Variants in SZT2 observed in about 807,000 individuals in gnomAD.
SZT2 encodes KICSTOR complex protein SZT2.
SZT2 carries 216 observed loss-of-function variants against 404.2 expected under a neutral mutation model. The ratio of observed to expected loss-of-function variants is 0.53; its 90% CI spans 0.48 to 0.60. The LOEUF is 0.60. SZT2 is among the 20% of genes least tolerant of loss of function. SZT2 has a pLI of 0.00. For missense variants in SZT2, 3,857 were observed against 4,459.2 expected, an observed-to-expected ratio of 0.86 and a Z score of 3.85; for synonymous variants, 1,693 against 1,749.9, an observed-to-expected ratio of 0.97 and a Z score of 0.81.
At position 43,451,754 on chromosome 1, in the gene SZT2, G is replaced by A. The variant is rs1327414636; in HGVS notation, c.*1274G>A. The A allele has an allele frequency of 2.5e-6, 4 of 1,613,518 alleles. No individual in the cohort carries two copies. Among genetic ancestry groups the A allele is most frequent in the Non-Finnish European group, 3.4e-6 (4 of 1,179,612 alleles). On this transcript the variant is annotated 3_prime_UTR_variant, in exon 72 of 72. Coordinates refer to ENST00000634258, the MANE Select transcript of SZT2 (RefSeq NM_001365999.1). ...GATACTACATTCCGAGACCCCGCAG[G>A]CCCCGCCCTCCTTCCGATCTGCGAA...
intron 1 of SZT2, among the ~76,000 whole-genome samples, chr1:43,390,890 T>C (rs1023285777): frequency 1.7e-4 from 26 of 152,242 alleles, no homozygotes; most frequent in African/African-American, 5.8e-4. Flanking sequence ...ATAGTATTCA[T>C]TACTGCATAC....
Position 43,431,763 on chromosome 1 carries a change from G to A in SZT2, c.5136G>A (p.Gly1712=). ...EDEMVGALRR[G]GIPQSPALHR... ...AGATGGTGGGGGCACTCCGAAGAGG[G>A]GGCATCCCACAGAGTCCTGCCCTGC... The change falls in exon 36 of 72, where the codon GGG becomes GGA. Residue 1712 remains glycine, a synonymous_variant. Coordinates refer to ENST00000634258, the MANE Select transcript of SZT2 (RefSeq NM_001365999.1). 2 of 1,614,200 alleles carry A rather than the reference G, an allele frequency of 1.2e-6. No homozygotes were observed. The highest frequency in any genetic ancestry group is 4.5e-5 in the East Asian group (2 of 44,878).
At position 43,428,253 on chromosome 1, in the gene SZT2, C is replaced by T; in HGVS notation, c.3933C>T (p.Ser1311=). ...CACTTCCATCAGGGCTATTCCGCAG[C>T]TTGCAGCAAGCACAGAGTGTGACCT... The part of the protein sequence containing the change: ...QRCYVRGLFR[S]LQQAQSVTSQ... Residue 1311 remains serine, a synonymous_variant, in exon 28 of 72, where the codon AGC becomes AGT. Coordinates refer to ENST00000634258, the MANE Select transcript of SZT2 (RefSeq NM_001365999.1). 1 of 1,614,226 alleles carries T rather than the reference C, an allele frequency of 6.2e-7. No homozygotes were observed.
intron 1 of SZT2, among the ~76,000 whole-genome samples, chr1:43,390,937 A>C (rs1019442112): frequency 1.3e-5 from 2 of 152,242 alleles, no homozygotes; most frequent in Non-Finnish European, 2.9e-5. Flanking sequence ...GCTCTTTACC[A>C]ATATCAGTTA....
chr1:43,403,135 G>A, intron 1 of SZT2, 42 bp from the exon 2 acceptor site: 2 of 1,606,858 alleles, frequency 1.2e-6, no homozygotes, highest in Non-Finnish European at 1.7e-6. Context: ...CAGGTACTCG[G>A]TGCCATTTTT....
Position 43,438,994 on chromosome 1 carries a change from G to A in SZT2, c.6693G>A (p.Arg2231=), listed in dbSNP as rs1409781454. 5 of 1,614,016 alleles carry A rather than the reference G, an allele frequency of 3.1e-6. No individual in the cohort carries two copies. Among genetic ancestry groups the A allele is most frequent in the Non-Finnish European group, 4.2e-6 (5 of 1,180,034 alleles). ...VLHLALPTSC[R]PWLPALAWYL... ...ATCTGGCCCTACCCACCTCCTGCAG[G>A]CCCTGGCTTCCAGCCCTGGCATGGT... Residue 2231 remains arginine, a synonymous_variant, in exon 48 of 72, where the codon AGG becomes AGA. Coordinates refer to ENST00000634258, the MANE Select transcript of SZT2 (RefSeq NM_001365999.1).
At position 43,442,402 on chromosome 1, in the gene SZT2, G is replaced by C; in HGVS notation, c.7974+34G>C. 1 of 1,612,658 alleles carries C rather than the reference G, an allele frequency of 6.2e-7. No individual in the cohort carries two copies. Among genetic ancestry groups the C allele is most frequent in the Non-Finnish European group, 8.5e-7 (1 of 1,179,174 alleles). On this transcript the variant is annotated intron_variant, in intron 57 of 71. Transcript: ENST00000634258. This position sits in a 1 kb window ranked among gnomAD's most constrained non-coding sequence, Gnocchi z 4.5. Reference sequence around the variant, plus strand: ...GGGGCCAGGGACTGGGTGGGAAGAGGGGTTCCGTGATCTCACTGACCCTGA... The same window carrying C: ...GGGGCCAGGGACTGGGTGGGAAGAGCGGTTCCGTGATCTCACTGACCCTGA...
rs139147641 is a variant in SZT2 at position 43,403,286 on chromosome 1, C to T, written c.137C>T (p.Thr46Ile). The T allele has an allele frequency of 7.5e-5, 121 of 1,613,620 alleles. No homozygotes were observed. The East Asian group carries it at 2.6e-3, about 35-fold the overall frequency. The change falls in exon 2 of 72, where the codon ACA becomes ATA. Residue 46 changes from threonine (T) to isoleucine (I), a missense_variant. This residue lies in a region of SZT2 where 536 missense variants were observed against 637.4 expected (regional missense o/e 0.84). Coordinates refer to ENST00000634258, the MANE Select transcript of SZT2 (RefSeq NM_001365999.1). The stretch of plus-strand genomic sequence containing the variant: ...CATCTGCACCAAACTGTGCAGGCCA[C>T]ACCCCAGGAGATGCTGGTGAGGCTT... ...LSHLHQTVQA[T>I]PQEMLLQSEQ... is the part of the protein sequence containing the mutation.
intron 4 of SZT2, among the ~76,000 whole-genome samples, chr1:43,408,197 C>G (rs1650568079): frequency 6.6e-6 from 1 of 152,058 alleles, no homozygotes; most frequent in Admixed American, 6.6e-5. Context: ...TCCCTCACCT[C>G]CATCTCTTTA....
rs755182360 is a variant in SZT2, at chr1:43,419,877, C to T, written c.1023C>T (p.Tyr341=). The T allele has an allele frequency of 4.4e-6, 7 of 1,598,436 alleles. No homozygotes were observed. The highest frequency in any genetic ancestry group is 3.3e-5 in the South Asian group (3 of 91,084). ...CAGGCAACCTGGGTCTGACTGTCTA[C>T]CACCGGGCATTTCTCCTCTATTCCT... is the stretch of plus-strand genomic sequence containing the variant. The part of the protein sequence containing the change: ...PEPGNLGLTV[Y]HRAFLLYSFL... The change falls in exon 8 of 72, where the codon TAC becomes TAT. Residue 341 remains tyrosine (Y), a synonymous_variant. Coordinates refer to ENST00000634258, the MANE Select transcript of SZT2 (RefSeq NM_001365999.1).
rs201073849 is a variant in SZT2, at chr1:43,428,133, C to T, written c.3919+15C>T. On this transcript the variant is annotated intron_variant, in intron 27 of 71. Transcript: ENST00000634258. Reference sequence around the variant, plus strand: ...CTATGTCCGTGGTGAGCAGGAGGGCCGTGGGAGGGAGGAGTGGGGCCCTGC... The same window carrying T: ...CTATGTCCGTGGTGAGCAGGAGGGCTGTGGGAGGGAGGAGTGGGGCCCTGC... The T allele has an allele frequency of 2.5e-5, 40 of 1,612,450 alleles. No homozygotes were observed. In the East Asian group the frequency reaches 5.8e-4, roughly 23 times the overall value.
In SZT2 at chr1:43,403,212, A is replaced by G; in HGVS notation, c.63A>G (p.Lys21=). 6.2e-7 allele frequency: 1 copy of G among 1,614,198 alleles called. No individual in the cohort carries two copies. Among genetic ancestry groups the G allele is most frequent in the Non-Finnish European group, 8.5e-7 (1 of 1,180,036 alleles). ...CTGGGCAGGTGTTCCTGTTAATGAA[A>G]AAGGATTATCGAATCTCCCGAAATG... The part of the protein sequence containing the change: ...EEAGQVFLLM[K]KDYRISRNVR... The change falls in exon 2 of 72, where the codon AAA becomes AAG. Residue 21 remains lysine, a synonymous_variant. Transcript: ENST00000634258.
Position 43,420,689 on chromosome 1 carries a change from T to C in SZT2, c.1262-60T>C. On this transcript the variant is annotated intron_variant, in intron 9 of 71. Coordinates refer to ENST00000634258, the MANE Select transcript of SZT2 (RefSeq NM_001365999.1). This position sits in a 1 kb window ranked among gnomAD's most constrained non-coding sequence, Gnocchi z 5.1. ...GGTAGGTGGGGGTTTCAGATAGAAC[T>C]CGATCCCAGGCCTAGAGTCCTATGC... is the stretch of plus-strand genomic sequence containing the variant. 1 of 1,512,864 alleles carries C rather than the reference T, an allele frequency of 6.6e-7. No homozygotes were observed. Among genetic ancestry groups the C allele is most frequent in the Non-Finnish European group, 9.0e-7 (1 of 1,110,708 alleles). 93.7% of individuals were successfully genotyped at this position (1,512,864 alleles called of 1,614,324 possible). A position where few individuals can be genotyped will look rare whatever the true frequency, so the allele number is the denominator to read the frequency against.
At position 43,446,880 on chromosome 1, in the gene SZT2, C is replaced by T. The variant is rs1275030307; in HGVS notation, c.9073-75C>T. 58 of 1,468,904 alleles carry T rather than the reference C, an allele frequency of 3.9e-5. 1 individual carries two copies. In the Middle Eastern group the frequency reaches 5.9e-4, roughly 15 times the overall value. The allele number at this position is 1,468,904 out of a possible 1,614,324, so 91.0% of individuals were successfully genotyped here. A position where few individuals can be genotyped will look rare whatever the true frequency, so the allele number is the denominator to read the frequency against. On this transcript the variant is annotated intron_variant, in intron 65 of 71. Coordinates refer to ENST00000634258, the MANE Select transcript of SZT2 (RefSeq NM_001365999.1). ...AGGGGAAATCTTGTGCTTCTTCCCACGGAAGGAGGGAAATGTGTTTTGGGC... is the reference window on the plus strand; with the variant it reads ...AGGGGAAATCTTGTGCTTCTTCCCATGGAAGGAGGGAAATGTGTTTTGGGC...
At chr1:43,393,905 A>C (rs1442610408) in intron 1 of SZT2, 1 of 156,906 alleles carries the variant, frequency 6.4e-6, no homozygotes, top group African/African-American at 2.4e-5. Context: ...ATTCTTATCC[A>C]CATACTATCA....
rs1190254154 is a variant in SZT2, at chr1:43,453,497, C to T, written c.*3017C>T. 6.4e-7 allele frequency: 1 copy of T among 1,551,266 alleles called. No homozygotes were observed. The highest frequency in any genetic ancestry group is 1.9e-5 in the Admixed American group (1 of 52,492). ...CCCCATTTCCCCCTTCTCTTGGTCT[C>T]CTGCAGAGAGAACGGGCCTCAGCCC... On this transcript the variant is annotated 3_prime_UTR_variant, in exon 72 of 72. Transcript: ENST00000634258.
chr1:43,414,767 G>A (rs1333782546), intron 4 of SZT2, among the ~76,000 whole-genome samples: 1 of 152,230 alleles, frequency 6.6e-6, no homozygotes, highest in African/African-American at 2.4e-5. Flanking sequence ...CATCCTGTAG[G>A]CCAAGGTAGA....
At chr1:43,390,469 G>T (rs560333191) in intron 1 of SZT2, among the ~76,000 whole-genome samples, 6 of 152,306 alleles carry the variant, frequency 3.9e-5, no homozygotes, top group Admixed American at 6.5e-5. Context: ...CTGAGACCTC[G>T]TTCCAATATT....
intron 1 of SZT2, among the ~76,000 whole-genome samples, chr1:43,390,483 G>C (rs1048885512): frequency 5.9e-5 from 9 of 152,268 alleles, no homozygotes; most frequent in African/African-American, 2.2e-4. Context: ...CAATATTGGC[G>C]CTGTCATGTA....
Sources: gnomAD v4.1 joint callset for allele counts (sites outside exome capture counted in the v4.1 genomes callset) on GRCh38, gnomAD v4.1.1 for gene constraint, gnomAD v4.1.1 regional missense constraint, Gnocchi (gnomAD v3.1) non-coding constraint, MANE v1.5 for transcripts, NCBI Gene and HGNC (gene_info 2026-07-23, HGNC 2026-07-21) for gene names.